KSR2: variants seen among roughly 807,000 people sequenced by gnomAD.
KSR2 encodes kinase suppressor of ras 2.
A neutral mutation model predicts 107.8 loss-of-function variants in KSR2; 25 were observed. That is an observed-to-expected ratio of 0.23 (90% confidence interval 0.17 to 0.32). KSR2 has a LOEUF of 0.32. KSR2 is among the 10% of genes least tolerant of loss of function. The pLI is 1.00. For missense variants in KSR2, 887 were observed against 1,268.9 expected, an observed-to-expected ratio of 0.70 and a Z score of 4.57; for synonymous variants, 480 against 507.0, an observed-to-expected ratio of 0.95 and a Z score of 0.71.
chr12:117,519,574 G>A (rs1248886266), intron 14 of KSR2, among the ~76,000 whole-genome samples: 1 of 152,074 alleles, frequency 6.6e-6, no homozygotes, highest in African/African-American at 2.4e-5. Flanking sequence ...AGGGGGTGAC[G>A]TGGGGGCTTC....
chr12:117,875,688 G>A (rs12308535), intron 1 of KSR2, among the ~76,000 whole-genome samples: 38 of 152,086 alleles, frequency 2.5e-4, no homozygotes, highest in Admixed American at 9.8e-4. Flanking sequence ...TCCCACCGGC[G>A]AGAGCTCTTC....
intron 1 of KSR2, 110 bp downstream of exon 1, chr12:117,967,966 C>T: frequency 9.8e-7 from 1 of 1,023,070 alleles, no homozygotes; most frequent in African/African-American, 1.6e-5. Context: ...ACCCCCAGCC[C>T]CCAATAAACA....
At chr12:117,801,497 T>A (rs1199787354) in intron 3 of KSR2, among the ~76,000 whole-genome samples, 1 of 152,060 alleles carries the variant, frequency 6.6e-6, no homozygotes, top group Non-Finnish European at 1.5e-5. Context: ...CCAGGAAGGA[T>A]GATGTTGGCT....
At chr12:117,863,179 C>T (rs754699893) in intron 1 of KSR2, among the ~76,000 whole-genome samples, 1 of 152,294 alleles carries the variant, frequency 6.6e-6, no homozygotes, top group South Asian at 2.1e-4. Context: ...CAGGCCCCAC[C>T]AAACAGCTGT....
Position 117,866,039 on chromosome 12 carries a change from T to TTTATTTA in KSR2, c.181-5609_181-5608insTAAATAA, listed in dbSNP as rs1491376651. ...TCTGTAACACTTGCTAATCTCTCTC[T>TTTATTTA]TTTTTTTTTTTTTTTGAAACAAATT... is the stretch of plus-strand genomic sequence containing the variant. On this transcript the variant is annotated intron_variant, in intron 1 of 19. Coordinates refer to ENST00000339824, the MANE Select transcript of KSR2 (RefSeq NM_173598.6). 3.4e-3 allele frequency among the ~76,000 whole-genome samples: 270 copies of TTTATTTA among 78,694 alleles called. 3 individuals are homozygous for TTTATTTA. The highest frequency in any genetic ancestry group is 9.3e-3 in the African/African-American group (85 of 9,100). The allele number at this position is 78,694 out of a possible 152,430, so 51.6% of individuals were successfully genotyped here.
In KSR2 at chr12:117,679,685, C is replaced by T. The variant is rs528588651; in HGVS notation, c.987-12027G>A. ...TTATCCATGCTGTCTTTTAGCCCAT[C>T]TGGGTGTGTAAAACTCAAGAATTCC... On this transcript the variant is annotated intron_variant, in intron 4 of 19. Coordinates refer to ENST00000339824, the MANE Select transcript of KSR2 (RefSeq NM_173598.6). Among the ~76,000 whole-genome samples the T allele has an allele frequency of 6.6e-5, 10 of 152,272 alleles. No individual in the cohort carries two copies. In the South Asian group the frequency reaches 1.0e-3, roughly 16 times the overall value.
chr12:117,895,229 T>G (rs1213910532), intron 1 of KSR2, among the ~76,000 whole-genome samples: 1 of 152,062 alleles, frequency 6.6e-6, no homozygotes, highest in Non-Finnish European at 1.5e-5. Context: ...AGCAAGATCC[T>G]GTCTCTAAGT....
At chr12:117,929,936 C>T (rs561879710) in intron 1 of KSR2, among the ~76,000 whole-genome samples, 1 of 152,202 alleles carries the variant, frequency 6.6e-6, no homozygotes, top group South Asian at 2.1e-4. Context: ...GATGATGTGG[C>T]AAGTTATTAC....
intron 1 of KSR2, among the ~76,000 whole-genome samples, chr12:117,950,166 G>T (rs1440947102): frequency 7.9e-5 from 12 of 151,908 alleles, no homozygotes; most frequent in African/African-American, 2.9e-4. Flanking sequence ...GAGAGGCGGG[G>T]TTTTACCATG....
rs151290402 is a variant in KSR2, at chr12:117,790,865, A to C, written c.473-29341T>G. Among the ~76,000 whole-genome samples the C allele has an allele frequency of 3.7e-3, 559 of 152,228 alleles. 2 individuals carry two copies. The highest frequency in any genetic ancestry group is 6.2e-3 in the Non-Finnish European group (423 of 68,016). On this transcript the variant is annotated intron_variant, in intron 3 of 19. Coordinates refer to ENST00000339824, the MANE Select transcript of KSR2 (RefSeq NM_173598.6). Reference sequence around the variant, plus strand: ...CTGTCCATCAGCACTGCTGTGACCCAGTCCCAAATACCCTCACCTCACACC... The same window carrying C: ...CTGTCCATCAGCACTGCTGTGACCCCGTCCCAAATACCCTCACCTCACACC...
At chr12:117,510,966 G>C (rs1271517461) in intron 14 of KSR2, among the ~76,000 whole-genome samples, 1 of 151,524 alleles carries the variant, frequency 6.6e-6, no homozygotes, top group Non-Finnish European at 1.5e-5. Context: ...ACTATTTTCA[G>C]AGCCTTATGT....
intron 4 of KSR2, among the ~76,000 whole-genome samples, chr12:117,726,390 C>T (rs1156609120): frequency 2.6e-5 from 4 of 152,078 alleles, no homozygotes; most frequent in Non-Finnish European, 5.9e-5. Flanking sequence ...AAGTTAGATG[C>T]CTGACAATGC....
At chr12:117,789,722 C>T (rs763645814) in intron 3 of KSR2, among the ~76,000 whole-genome samples, 27 of 152,190 alleles carry the variant, frequency 1.8e-4, no homozygotes, top group Non-Finnish European at 3.5e-4. Context: ...GGAAGCCCCT[C>T]CCCTCCACCA....
rs1053374802 is a variant in KSR2, at chr12:117,467,079, C to T, written c.*120G>A. On this transcript the variant is annotated 3_prime_UTR_variant, in exon 20 of 20. Coordinates refer to ENST00000339824, the MANE Select transcript of KSR2 (RefSeq NM_173598.6). Reference sequence around the variant, plus strand: ...GAGCAGTTGTCCAGTGCTCCCAGGTCGGTCGGGGTTGGTACCCTCTGATGC... The same window carrying T: ...GAGCAGTTGTCCAGTGCTCCCAGGTTGGTCGGGGTTGGTACCCTCTGATGC... The T allele has an allele frequency of 1.1e-5, 6 of 521,762 alleles. No homozygotes were observed. The highest frequency in any genetic ancestry group is 3.3e-5 in the East Asian group (1 of 30,190). The allele number at this position is 521,762 out of a possible 1,614,324, so 32.3% of individuals were successfully genotyped here. A position where few individuals can be genotyped will look rare whatever the true frequency, so the allele number is the denominator to read the frequency against.
chr12:117,637,663 A>G lies in KSR2; in HGVS notation c.1171+29811T>C, dbSNP rs556679918. Among the ~76,000 whole-genome samples the G allele has an allele frequency of 4.2e-5, 5 of 120,008 alleles. No individual in the cohort carries two copies. The East Asian group carries it at 1.4e-3, about 34-fold the overall frequency. The allele number at this position is 120,008 out of a possible 152,430, so 78.7% of individuals were successfully genotyped here. A position where few individuals can be genotyped will look rare whatever the true frequency, so the allele number is the denominator to read the frequency against. ...CAAGAGGCTAGAAATGGGACCCAGCAGTCAGTTTTGGGTTTTTTTTTTTTT... is the reference window on the plus strand; with the variant it reads ...CAAGAGGCTAGAAATGGGACCCAGCGGTCAGTTTTGGGTTTTTTTTTTTTT... On this transcript the variant is annotated intron_variant, in intron 5 of 19. Coordinates refer to ENST00000339824, the MANE Select transcript of KSR2 (RefSeq NM_173598.6).
Position 117,761,048 on chromosome 12 carries a change from G to T in KSR2, c.949C>A (p.Gln317Lys), listed in dbSNP as rs752374826. Residue 317 changes from glutamine to lysine, a missense_variant, in exon 4 of 20, where the codon CAG becomes AAG. Coordinates refer to ENST00000339824, the MANE Select transcript of KSR2 (RefSeq NM_173598.6). The part of the protein sequence containing the change: ...ALHRSKSHEF[Q>K]LGHRVDEAHT... ...GCCTCGTCCACGCGGTGCCCCAGCT[G>T]GAACTCGTGGGATTTGCTCCGATGC... The T allele has an allele frequency of 4.3e-6, 7 of 1,613,780 alleles. No individual in the cohort carries two copies. Among genetic ancestry groups the T allele is most frequent in the Non-Finnish European group, 5.9e-6 (7 of 1,179,746 alleles).
At chr12:117,905,901 T>C (rs1894828260) in intron 1 of KSR2, among the ~76,000 whole-genome samples, 1 of 150,748 alleles carries the variant, frequency 6.6e-6, no homozygotes, top group South Asian at 2.1e-4. Flanking sequence ...AGTAGGACGA[T>C]AGTACATAAT....
chr12:117,943,335 G>A (rs1896067373), intron 1 of KSR2, among the ~76,000 whole-genome samples: 2 of 151,744 alleles, frequency 1.3e-5, no homozygotes, highest in Admixed American at 6.6e-5. Context: ...ACTCAAATAC[G>A]TTTAAGAGCT....
intron 19 of KSR2, 36 bp downstream of exon 19, chr12:117,469,626 A>C: frequency 1.9e-6 from 3 of 1,605,166 alleles, no homozygotes; most frequent in South Asian, 2.2e-5. Context: ...GCAGAGGACA[A>C]GGCAGTGGGG....
Sources: allele counts gnomAD v4.1 joint callset (sites outside exome capture counted in the v4.1 genomes callset), GRCh38; gene constraint gnomAD v4.1.1; transcripts MANE v1.5; gene names NCBI Gene and HGNC (gene_info 2026-07-23, HGNC 2026-07-21).